Variants in GRIP1 observed in about 807,000 individuals in gnomAD.
GRIP1 encodes glutamate receptor-interacting protein 1.
GRIP1 carries 45 observed loss-of-function variants against 129.9 expected under a neutral mutation model. The ratio of observed to expected loss-of-function variants is 0.35; its 90% CI spans 0.27 to 0.44. GRIP1 has a LOEUF of 0.44. GRIP1 is among the 20% of genes least tolerant of loss of function. GRIP1 has a pLI of 1.00. For synonymous variants in GRIP1, 530 were observed against 520.8 expected, an observed-to-expected ratio of 1.02 and a Z score of -0.24; for missense variants, 1,196 against 1,396.8, an observed-to-expected ratio of 0.86 and a Z score of 2.29.
At chr12:66,924,205 T>C (rs1314077793) in intron 1 of GRIP1, among the ~76,000 whole-genome samples, 1 of 152,182 alleles carries the variant, frequency 6.6e-6, no homozygotes, top group African/African-American at 2.4e-5. Flanking sequence ...ACAATTTTAG[T>C]TCACACTGTA....
chr12:66,902,167 C>T (rs771235038), intron 1 of GRIP1, among the ~76,000 whole-genome samples: 6 of 152,140 alleles, frequency 3.9e-5, no homozygotes, highest in Admixed American at 2.0e-4. Context: ...AAGCACCTGG[C>T]ACTTAGCAGA....
chr12:66,839,640 G>A (rs1278548987), intron 1 of GRIP1, among the ~76,000 whole-genome samples: 1 of 152,090 alleles, frequency 6.6e-6, no homozygotes, highest in African/African-American at 2.4e-5. Context: ...GATAAGCTTG[G>A]GCTTCAAAGG....
intron 13 of GRIP1, among the ~76,000 whole-genome samples, chr12:66,442,546 T>C (rs980653210): frequency 2.0e-5 from 3 of 152,168 alleles, no homozygotes; most frequent in Admixed American, 6.6e-5. Context: ...GAATTAATTT[T>C]TTTGAGACAG....
chr12:66,815,882 T>TC lies in GRIP1; in HGVS notation c.59-218956_59-218955insG, dbSNP rs1566036838. Among the ~76,000 whole-genome samples the TC allele has an allele frequency of 2.2e-4, 17 of 76,754 alleles. No homozygotes were observed. The South Asian group carries it at 4.8e-3, about 21-fold the overall frequency. 50.4% of individuals were successfully genotyped at this position (76,754 alleles called of 152,430 possible). A position where few individuals can be genotyped will look rare whatever the true frequency, so the allele number is the denominator to read the frequency against. On this transcript the variant is annotated intron_variant, in intron 1 of 1. Transcript: ENST00000643019. ...TCTCTCTCTCTCTCTCTCTCTCTCT[T>TC]TCTTTCTTTCTCATATTAAGGTCTG...
chr12:66,647,476 C>G (rs1298883235), intron 1 of GRIP1: 1 of 152,124 alleles, frequency 6.6e-6, no homozygotes, highest in Non-Finnish European at 1.5e-5. Context: ...TATGAATCAC[C>G]TTCCCACAAA....
chr12:66,455,637 A>T, intron 10 of GRIP1, 73 bp from the exon 11 acceptor site: 1 of 1,351,188 alleles, frequency 7.4e-7, no homozygotes, highest in Non-Finnish European at 1.1e-6. Context: ...GTCAACCAGT[A>T]ACAATCCAGA....
At chr12:66,890,265 T>C (rs1303555164) in intron 1 of GRIP1, among the ~76,000 whole-genome samples, 1 of 152,140 alleles carries the variant, frequency 6.6e-6, no homozygotes, top group African/African-American at 2.4e-5. Context: ...AACATAGCCA[T>C]TTGGTGGCAA....
chr12:66,940,826 C>T (rs2041572573), intron 1 of GRIP1, among the ~76,000 whole-genome samples: 1 of 152,164 alleles, frequency 6.6e-6, no homozygotes. Context: ...TAAAATTCAA[C>T]AGGAGAATGT....
intron 23 of GRIP1, 112 bp downstream of exon 23, chr12:66,371,582 G>T (rs1447879753): frequency 1.0e-5 from 8 of 771,038 alleles, no homozygotes; most frequent in Non-Finnish European, 1.9e-5. Context: ...AAGCTTCTTT[G>T]CTTGGCTGAG....
At chr12:66,884,691 A>T (rs1161463817) in intron 1 of GRIP1, among the ~76,000 whole-genome samples, 1 of 152,242 alleles carries the variant, frequency 6.6e-6, no homozygotes, top group Non-Finnish European at 1.5e-5. Flanking sequence ...AGACCTACCC[A>T]ATGATTACCC....
chr12:66,909,916 T>C (rs1162819204), intron 1 of GRIP1, among the ~76,000 whole-genome samples: 1 of 152,220 alleles, frequency 6.6e-6, no homozygotes, highest in Non-Finnish European at 1.5e-5. Context: ...TTCATGCTAT[T>C]TTGGACAGCA....
intron 1 of GRIP1, among the ~76,000 whole-genome samples, chr12:66,738,634 A>C (rs1432925074): frequency 1.3e-5 from 2 of 152,284 alleles, no homozygotes; most frequent in African/African-American, 4.8e-5. Context: ...TGTGATGTGA[A>C]GAAGATGGGT....
intron 1 of GRIP1, among the ~76,000 whole-genome samples, chr12:66,795,290 G>A (rs1174724541): frequency 1.3e-5 from 2 of 152,138 alleles, no homozygotes; most frequent in African/African-American, 2.4e-5. Context: ...CATTTGACAT[G>A]TGCCTAGTTT....
chr12:66,876,350 T>C (rs2040383480), intron 1 of GRIP1, among the ~76,000 whole-genome samples: 1 of 152,036 alleles, frequency 6.6e-6, no homozygotes, highest in South Asian at 2.1e-4. Context: ...TTTATACTCA[T>C]TTTCTAACTT....
At chr12:66,350,196 C>A (rs1362056119) in intron 24 of GRIP1, among the ~76,000 whole-genome samples, 1 of 152,040 alleles carries the variant, frequency 6.6e-6, no homozygotes, top group Non-Finnish European at 1.5e-5. Flanking sequence ...TTCTTCCTGT[C>A]CTTTACATTT....
At chr12:66,939,846 A>T (rs1265706310) in intron 1 of GRIP1, among the ~76,000 whole-genome samples, 3 of 152,184 alleles carry the variant, frequency 2.0e-5, no homozygotes, top group Non-Finnish European at 4.4e-5. Flanking sequence ...ACATTCTCCA[A>T]TGTTATTTTT....
At chr12:66,996,669 TAGAG>T (rs2042472421) in intron 1 of GRIP1, among the ~76,000 whole-genome samples, 1 of 152,136 alleles carries the variant, frequency 6.6e-6, no homozygotes, top group African/African-American at 2.4e-5. Flanking sequence ...GCCAGGAAGA[TAGAG>T]ATTGACCCAT....
chr12:67,004,150 T>C (rs997129793), intron 1 of GRIP1, among the ~76,000 whole-genome samples: 14 of 152,222 alleles, frequency 9.2e-5, no homozygotes, highest in African/African-American at 2.7e-4. Context: ...AGACTCTTTA[T>C]CTAAATAGGG....
At chr12:66,932,826 G>A (rs981726554) in intron 1 of GRIP1, among the ~76,000 whole-genome samples, 3 of 151,918 alleles carry the variant, frequency 2.0e-5, no homozygotes, top group East Asian at 1.9e-4. Flanking sequence ...CTGCCACCGC[G>A]CCCAGCTAAT....
Sources: gnomAD v4.1 joint callset for allele counts (sites outside exome capture counted in the v4.1 genomes callset) on GRCh38, gnomAD v4.1.1 for gene constraint, MANE v1.5 for transcripts, NCBI Gene and HGNC (gene_info 2026-07-23, HGNC 2026-07-21) for gene names.